Variants in DHRSX observed in about 807,000 individuals in gnomAD.
DHRSX encodes polyprenol dehydrogenase.
Under a neutral mutation model 34.0 loss-of-function variants are expected in DHRSX, and 31 were observed. The ratio of observed to expected loss-of-function variants is 0.91; its 90% confidence interval spans 0.69 to 1.23. The LOEUF is 1.23. DHRSX is among the 50% of genes most tolerant of loss of function. The pLI is 0.00. For missense variants in DHRSX, 414 were observed against 428.1 expected (o/e 0.97, Z 0.29); for synonymous variants, 201 against 183.8 (o/e 1.09, Z -0.76).
chrX:2,325,656 T>C (rs1033692974), intron 3 of DHRSX, among the ~76,000 whole-genome samples: 18 of 151,722 alleles, frequency 1.2e-4, no homozygotes, highest in Non-Finnish European at 7.4e-5. Flanking sequence ...CAAAGCCCAT[T>C]TGCATAAACG....
At chrX:2,293,970 C>T (rs1175271166) in intron 3 of DHRSX, among the ~76,000 whole-genome samples, 2 of 151,518 alleles carry the variant, frequency 1.3e-5, no homozygotes, top group African/African-American at 4.9e-5. Flanking sequence ...CATTCCAAAA[C>T]GAAATGACTC....
intron 4 of DHRSX, among the ~76,000 whole-genome samples, chrX:2,282,634 G>A (rs2041725838): frequency 9.6e-6 from 1 of 103,970 alleles, no homozygotes; most frequent in South Asian, 3.5e-4. Flanking sequence ...GAGAAGAAGG[G>A]AAAGGGAGGG....
At chrX:2,314,134 T>A (rs1309440714) in intron 3 of DHRSX, among the ~76,000 whole-genome samples, 1 of 140,116 alleles carries the variant, frequency 7.1e-6, no homozygotes, top group African/African-American at 2.7e-5. Flanking sequence ...CAGTTGATTA[T>A]GTCCCAGATC....
rs1405533908 is a variant in DHRSX, at chrX:2,376,725, G to C, written c.286+32020C>G. Among the ~76,000 whole-genome samples the C allele has an allele frequency of 1.3e-5, 2 of 150,696 alleles. 1 individual carries two copies. The highest frequency in any genetic ancestry group is 3.0e-5 in the Non-Finnish European group (2 of 67,298). On this transcript the variant is annotated intron_variant, in intron 3 of 6. Coordinates refer to ENST00000334651, the MANE Select transcript of DHRSX (RefSeq NM_145177.3). ...AAAGGAACATTGGAGGCCGGGTATA[G>C]TGGCTCACGCCTGTCATCCCAGCAC...
At chrX:2,306,312 G>A (rs2042095971) in intron 3 of DHRSX, among the ~76,000 whole-genome samples, 1 of 151,908 alleles carries the variant, frequency 6.6e-6, no homozygotes, top group African/African-American at 2.4e-5. Flanking sequence ...ACTAGGGGAA[G>A]ATGAGCCGAT....
In DHRSX at chrX:2,459,880, G is replaced by A. The variant is rs765010047; in HGVS notation, c.110-34576C>T. On this transcript the variant is annotated intron_variant, in intron 1 of 6. Transcript: ENST00000334651. ...CCCAGCACTTTGGGAGGCTGAGGCA[G>A]GTGGATCACCTGAGGTCAGGAGTTT... Among the ~76,000 whole-genome samples the A allele has an allele frequency of 2.0e-5, 3 of 152,166 alleles. No homozygotes were observed. The East Asian group carries it at 5.8e-4, about 29-fold the overall frequency.
intron 5 of DHRSX, among the ~76,000 whole-genome samples, chrX:2,243,794 T>G (rs867016350): frequency 2.0e-4 from 2 of 9,974 alleles, no homozygotes; most frequent in African/African-American, 5.2e-4. Context: ...CCCTGTTTTT[T>G]TTTTTTTTTT....
At chrX:2,251,794 C>G (rs2016439741) in intron 5 of DHRSX, among the ~76,000 whole-genome samples, 2 of 152,158 alleles carry the variant, frequency 1.3e-5, no homozygotes, top group South Asian at 4.2e-4. Context: ...GGTCTGCTGC[C>G]TTAGAAATAA....
intron 1 of DHRSX, among the ~76,000 whole-genome samples, chrX:2,478,625 C>T (rs1201348077): frequency 2.7e-5 from 2 of 74,382 alleles, no homozygotes; most frequent in East Asian, 2.4e-4. Flanking sequence ...GTTGAGGGAC[C>T]GCACTGAAGA....
chrX:2,331,832 CAGAA>C (rs771622176), intron 3 of DHRSX, among the ~76,000 whole-genome samples: 230 of 152,218 alleles, frequency 1.5e-3, no homozygotes, highest in Middle Eastern at 0.01. Flanking sequence ...TCTTTCATGA[CAGAA>C]AGGGTCAACT....
chrX:2,344,592 T>C (rs1320239580), intron 3 of DHRSX, among the ~76,000 whole-genome samples: 1 of 151,998 alleles, frequency 6.6e-6, no homozygotes, highest in East Asian at 1.9e-4. Flanking sequence ...GAAACCATCA[T>C]TCTCAGCAAA....
intron 1 of DHRSX, among the ~76,000 whole-genome samples, chrX:2,466,335 G>C (rs997936722): frequency 6.6e-6 from 1 of 152,292 alleles, no homozygotes; most frequent in East Asian, 1.9e-4. Flanking sequence ...CGACTCAGTA[G>C]CCTGAGGCAG....
intron 1 of DHRSX, among the ~76,000 whole-genome samples, chrX:2,457,635 G>T (rs1160686401): frequency 4.0e-5 from 6 of 150,534 alleles, no homozygotes; most frequent in African/African-American, 1.2e-4. Context: ...TGCCGCAAAA[G>T]AACCGCCACC....
At chrX:2,480,241 G>C (rs1255949664) in intron 1 of DHRSX, among the ~76,000 whole-genome samples, 2 of 151,450 alleles carry the variant, frequency 1.3e-5, no homozygotes, top group Non-Finnish European at 2.9e-5. Context: ...AAGATACAAT[G>C]TGAAGTGAAA....
Position 2,346,426 on chromosome X carries a change from T to C in DHRSX, c.287-54823A>G, listed in dbSNP as rs371368383. On this transcript the variant is annotated intron_variant, in intron 3 of 6. Transcript: ENST00000334651. ...CACCATTTCTCTGCAAATCAGTGTA[T>C]TTTTCACCCACCTGATTTTCCTGCC... Among the ~76,000 whole-genome samples the C allele has an allele frequency of 5.9e-5, 9 of 152,230 alleles. No homozygotes were observed. In the South Asian group the frequency reaches 1.2e-3, roughly 21 times the overall value.
chrX:2,286,690 A>G (rs904536864), intron 4 of DHRSX, among the ~76,000 whole-genome samples: 1 of 94,736 alleles, frequency 1.1e-5, no homozygotes, highest in Admixed American at 1.1e-4. Context: ...GTACCCACAG[A>G]GGAAAAAAAA....
At chrX:2,327,929 A>T (rs1196137173) in intron 3 of DHRSX, among the ~76,000 whole-genome samples, 3 of 151,982 alleles carry the variant, frequency 2.0e-5, no homozygotes, top group Non-Finnish European at 4.4e-5. Context: ...AAATAGAAAA[A>T]ATTAGCTAGG....
At chrX:2,234,861 C>A (rs2015977735) in intron 6 of DHRSX, among the ~76,000 whole-genome samples, 1 of 152,162 alleles carries the variant, frequency 6.6e-6, no homozygotes, top group African/African-American at 2.4e-5. Context: ...CAGGCGTGTG[C>A]CACCATGCTG....
At chrX:2,229,242 GGA>G (rs1330512437) in intron 6 of DHRSX, among the ~76,000 whole-genome samples, 3 of 152,136 alleles carry the variant, frequency 2.0e-5, no homozygotes, top group African/African-American at 4.8e-5. Flanking sequence ...AGCTTCCCAA[GGA>G]GAGTTTCCAC....
Sources: allele counts gnomAD v4.1 joint callset (sites outside exome capture counted in the v4.1 genomes callset), GRCh38; gene constraint gnomAD v4.1.1; transcripts MANE v1.5; gene names NCBI Gene and HGNC (gene_info 2026-07-23, HGNC 2026-07-21).